MCUB: variants seen among roughly 807,000 people sequenced by gnomAD.
MCUB encodes mitochondrial calcium uniporter dominant negative subunit beta, also known as calcium uniporter regulatory subunit MCUb, mitochondrial.
MCUB carries 46 observed loss-of-function variants against 41.4 expected under a neutral mutation model. The observed-to-expected ratio is 1.11, with a 90% CI of 0.88 to 1.42. The LOEUF (loss-of-function observed/expected upper bound fraction) is 1.42, where lower values mean the gene tolerates loss of function less well. Among genes scored for constraint, MCUB ranks in the 40% most tolerant of loss-of-function variants. The pLI, the probability that MCUB is intolerant of heterozygous loss-of-function variation, is 0.00. For synonymous variants in MCUB, 148 were observed against 148.2 expected (o/e 1.00, Z 0.01); for missense variants, 403 against 404.9 (o/e 1.00, Z 0.04).
At chr4:109,682,324 C>CTTT (rs11411542) in intron 4 of MCUB, among the ~76,000 whole-genome samples, 1 of 147,260 alleles carries the variant, frequency 6.8e-6, no homozygotes, top group Non-Finnish European at 1.5e-5. Context: ...TTTTTGGTGA[C>CTTT]TTTTTTTTTT....
chr4:109,655,986 T>C (rs1369617946), intron 1 of MCUB, among the ~76,000 whole-genome samples: 2 of 152,180 alleles, frequency 1.3e-5, no homozygotes, highest in African/African-American at 4.8e-5. Context: ...CTGCTGTTTT[T>C]CTCAGGCCAC....
chr4:109,567,657 G>C (rs776496588), intron 1 of MCUB, among the ~76,000 whole-genome samples: 7 of 151,988 alleles, frequency 4.6e-5, no homozygotes, highest in Non-Finnish European at 1.0e-4. Context: ...CAAACAAAGT[G>C]TTTGTTTCCT....
intron 1 of MCUB, among the ~76,000 whole-genome samples, chr4:109,563,471 G>A (rs540965113): frequency 2.9e-4 from 44 of 152,120 alleles, no homozygotes; most frequent in African/African-American, 1.1e-3. Context: ...ATTTGCAGTT[G>A]GTACATTGTA....
At chr4:109,679,669 A>G (rs920524746) in intron 4 of MCUB, among the ~76,000 whole-genome samples, 1 of 152,068 alleles carries the variant, frequency 6.6e-6, no homozygotes, top group Non-Finnish European at 1.5e-5. Context: ...GTTCTTTGTA[A>G]ATTATGGGGT....
In MCUB at chr4:109,671,861, G is replaced by A. The variant is rs114487582; in HGVS notation, c.451+7467G>A. ...TGAGCTGAATAGGTCTTTAGTGTGAGGTTTTATGTGGCTAGGAGTTAGATG... is the reference window on the plus strand; with the variant it reads ...TGAGCTGAATAGGTCTTTAGTGTGAAGTTTTATGTGGCTAGGAGTTAGATG... On this transcript the variant is annotated intron_variant, in intron 4 of 7. Transcript: ENST00000394650. Among the ~76,000 whole-genome samples the A allele has an allele frequency of 1.6e-3, 250 of 152,220 alleles. 1 individual carries two copies. Among genetic ancestry groups the A allele is most frequent in the Non-Finnish European group, 2.9e-3 (197 of 68,008 alleles).
chr4:109,664,167 C>A, intron 3 of MCUB, 123 bp from the exon 4 acceptor site: 1 of 646,380 alleles, frequency 1.5e-6, no homozygotes, highest in Non-Finnish European at 2.8e-6. Context: ...GGACACCCCC[C>A]ACAAAAGTAA....
At chr4:109,582,820 A>G (rs1202735143) in intron 1 of MCUB, among the ~76,000 whole-genome samples, 3 of 152,212 alleles carry the variant, frequency 2.0e-5, no homozygotes, top group African/African-American at 7.2e-5. Context: ...TTTATTAAAA[A>G]GGGAATCCTT....
intron 3 of MCUB, among the ~76,000 whole-genome samples, chr4:109,662,992 C>T (rs1729260348): frequency 6.6e-6 from 1 of 152,082 alleles, no homozygotes; most frequent in Admixed American, 6.5e-5. Flanking sequence ...CCCAAACAGC[C>T]AAATTCTAGG....
intron 1 of MCUB, among the ~76,000 whole-genome samples, chr4:109,638,992 C>T (rs1242388165): frequency 6.6e-6 from 1 of 152,136 alleles, no homozygotes; most frequent in Non-Finnish European, 1.5e-5. Context: ...GTCTTGACCC[C>T]CTCAAAGTCA....
chr4:109,611,110 C>A (rs1727998736), intron 1 of MCUB, among the ~76,000 whole-genome samples: 1 of 152,164 alleles, frequency 6.6e-6, no homozygotes, highest in African/African-American at 2.4e-5. Flanking sequence ...TAAGAAGAAT[C>A]TTGAGTTCTT....
At position 109,580,024 on chromosome 4, in the gene MCUB, C is replaced by T. The variant is rs145946798; in HGVS notation, c.99+19588C>T. Among the ~76,000 whole-genome samples the T allele has an allele frequency of 3.9e-5, 6 of 152,186 alleles. No homozygotes were observed. In the East Asian group the frequency reaches 9.7e-4, roughly 24 times the overall value. ...ATTAGGTATTTCTAATGCTATCCCT[C>T]CCCTTGCCCCCCACCCCACAACAGG... On this transcript the variant is annotated intron_variant, in intron 1 of 7. Transcript: ENST00000394650.
At chr4:109,656,762 T>C (rs1006095289) in intron 1 of MCUB, among the ~76,000 whole-genome samples, 4 of 152,242 alleles carry the variant, frequency 2.6e-5, no homozygotes, top group African/African-American at 9.6e-5. Context: ...AATTCTGATG[T>C]GTCTCATTTT....
rs561251072 is a variant in MCUB at position 109,588,589 on chromosome 4, C to CT, written c.99+28154dup. 5.9e-5 allele frequency among the ~76,000 whole-genome samples: 9 copies of CT among 152,294 alleles called. No homozygotes were observed. The South Asian group carries it at 1.9e-3, about 32-fold the overall frequency. ...AAAAAAATTTTGTTTTGCTGCCACT[C>CT]TCACCCCCACCAAATTGAAGATTCC... On this transcript the variant is annotated intron_variant, in intron 1 of 7. Transcript: ENST00000394650.
intron 1 of MCUB, among the ~76,000 whole-genome samples, chr4:109,609,705 C>G (rs942730615): frequency 6.6e-6 from 1 of 152,156 alleles, no homozygotes; most frequent in African/African-American, 2.4e-5. Context: ...ACCACTGGGA[C>G]TGTGCTGGCT....
chr4:109,630,770 G>A (rs1366021488), intron 1 of MCUB, among the ~76,000 whole-genome samples: 1 of 152,062 alleles, frequency 6.6e-6, no homozygotes, highest in African/African-American at 2.4e-5. Context: ...TAGTAGAGAC[G>A]GAGTTTCTCC....
At chr4:109,644,604 C>T (rs1271086403) in intron 1 of MCUB, among the ~76,000 whole-genome samples, 2 of 152,146 alleles carry the variant, frequency 1.3e-5, no homozygotes, top group Admixed American at 6.5e-5. Context: ...AACACATTCT[C>T]ATTTTAGAAA....
intron 1 of MCUB, chr4:109,648,699 T>C (rs769002055): frequency 2.7e-5 from 10 of 371,544 alleles, no homozygotes; most frequent in South Asian, 2.0e-4. Flanking sequence ...GTTTGATTTT[T>C]TTTTTTTTTT....
At position 109,660,316 on chromosome 4, in the gene MCUB, C is replaced by A. The variant is rs370601686; in HGVS notation, c.297C>A (p.Asp99Glu). The A allele has an allele frequency of 3.7e-5, 60 of 1,607,764 alleles. No homozygotes were observed. The African/African-American group carries it at 7.6e-4, about 20-fold the overall frequency. ...MLSTVGSFLQDLQNEDKGIKT... is the reference protein window; with the variant it reads ...MLSTVGSFLQELQNEDKGIKT... The stretch of plus-strand genomic sequence containing the variant: ...CAACAGTTGGTTCATTCCTTCAGGA[C>A]CTACAAAATGAAGATAAGGGTATCA... The change falls in exon 3 of 8, where the codon GAC (aspartate) becomes GAA (glutamate). Residue 99 changes from aspartate (D) to glutamate (E), a missense_variant. Physicochemically the swap from Asp to Glu is conservative, Grantham distance 45. Coordinates refer to ENST00000394650, the MANE Select transcript of MCUB (RefSeq NM_017918.5).
At chr4:109,672,531 A>G (rs181761235) in intron 4 of MCUB, among the ~76,000 whole-genome samples, 399 of 152,336 alleles carry the variant, frequency 2.6e-3, no homozygotes, top group Middle Eastern at 0.01. Flanking sequence ...TAGGAGGAAG[A>G]AATTCATAAG....
Sources: gnomAD v4.1 joint callset for allele counts (sites outside exome capture counted in the v4.1 genomes callset) on GRCh38, gnomAD v4.1.1 for gene constraint, MANE v1.5 for transcripts, NCBI Gene and HGNC (gene_info 2026-07-23, HGNC 2026-07-21) for gene names.